The following MYO16 variants were observed in gnomAD, a reference collection of about 807,000 sequenced individuals.
MYO16 encodes the protein unconventional myosin-XVI.
MYO16 carries 94 observed loss-of-function variants against 205.3 expected under a neutral mutation model. The ratio of observed to expected loss-of-function variants is 0.46; its 90% CI spans 0.39 to 0.54. The LOEUF (loss-of-function observed/expected upper bound fraction) is 0.54, where lower values mean the gene tolerates loss of function less well. MYO16 is among the 20% of genes least tolerant of loss of function. The pLI is 0.00. For missense variants in MYO16, 2,315 were observed against 2,387.5 expected, an observed-to-expected ratio of 0.97 and a Z score of 0.63; for synonymous variants, 988 against 954.0, an observed-to-expected ratio of 1.04 and a Z score of -0.66.
intron 10 of MYO16, among the ~76,000 whole-genome samples, chr13:108,849,104 G>A (rs1007894951): frequency 4.6e-5 from 7 of 152,150 alleles, no homozygotes; most frequent in Admixed American, 3.9e-4. Context: ...CTTGGGAAGC[G>A]AAGTAAAGTA....
intron 28 of MYO16, among the ~76,000 whole-genome samples, chr13:109,106,171 A>T (rs1392497170): frequency 1.3e-5 from 2 of 152,266 alleles, no homozygotes; most frequent in Non-Finnish European, 2.9e-5. Flanking sequence ...TTATGAAACG[A>T]AGAGTTCATG....
chr13:108,665,501 T>G (rs1223407328), intron 1 of MYO16, among the ~76,000 whole-genome samples: 1 of 152,148 alleles, frequency 6.6e-6, no homozygotes, highest in Admixed American at 6.5e-5. Flanking sequence ...TCTGAAAAAG[T>G]TTGGAATGAT....
rs1879280578 is a variant in MYO16, at chr13:109,177,874, A to C, written c.5324-1668A>C. On this transcript the variant is annotated intron_variant, in intron 33 of 34. Coordinates refer to ENST00000457511, the MANE Select transcript of MYO16 (RefSeq NM_001198950.3). The stretch of plus-strand genomic sequence containing the variant: ...TGGATCACATTTGTCTTCTCCTGCC[A>C]CAGATCCCCTGTCTTAGTAAGACAT... 2.0e-5 allele frequency among the ~76,000 whole-genome samples: 3 copies of C among 152,156 alleles called. No individual in the cohort carries two copies. The South Asian group carries it at 6.2e-4, about 32-fold the overall frequency.
rs1361123280 is a variant in MYO16 at position 109,090,420 on chromosome 13, G to A, written c.3336-10365G>A. On this transcript the variant is annotated intron_variant, in intron 27 of 34. Coordinates refer to ENST00000457511, the MANE Select transcript of MYO16 (RefSeq NM_001198950.3). ...AGACTGGTGAGCTCTATGGCTGTGC[G>A]TCCACATGTCTGCTGACAGGCTCCA... Among the ~76,000 whole-genome samples, 9 of 152,194 alleles carry A rather than the reference G, an allele frequency of 5.9e-5. No individual in the cohort carries two copies. The East Asian group carries it at 9.6e-4, about 16-fold the overall frequency.
chr13:109,037,994 A>G lies in MYO16; in HGVS notation c.2797-8922A>G, dbSNP rs1886768107. Among the ~76,000 whole-genome samples, 5 of 149,834 alleles carry G rather than the reference A, an allele frequency of 3.3e-5. 1 individual carries two copies. The highest frequency in any genetic ancestry group is 3.3e-4 in the Admixed American group (5 of 15,072). On this transcript the variant is annotated intron_variant, in intron 23 of 34. Coordinates refer to ENST00000457511, the MANE Select transcript of MYO16 (RefSeq NM_001198950.3). ...CAAGGGAGGAATCTGTGAGTAGGGTAGAGGAAAGTAGGGAGTACAATGGGG... is the reference window on the plus strand; with the variant it reads ...CAAGGGAGGAATCTGTGAGTAGGGTGGAGGAAAGTAGGGAGTACAATGGGG...
intron 27 of MYO16, among the ~76,000 whole-genome samples, chr13:109,086,603 C>T (rs1008840550): frequency 7.9e-5 from 12 of 152,144 alleles, no homozygotes; most frequent in Admixed American, 2.0e-4. Flanking sequence ...CATGACATTT[C>T]AAATGTCATG....
the MYO16 span, among the ~76,000 whole-genome samples, chr13:108,538,516 A>G: frequency 6.6e-6 from 1 of 152,096 alleles, no homozygotes; most frequent in East Asian, 1.9e-4. Flanking sequence ...TGTTGGGGTG[A>G]CAAAGTGAAG....
At chr13:108,642,611 T>G (rs2139381528) in intron 1 of MYO16, among the ~76,000 whole-genome samples, 1 of 152,120 alleles carries the variant, frequency 6.6e-6, no homozygotes, top group South Asian at 2.1e-4. Context: ...AGAGACAGGG[T>G]TTCACCATGT....
chr13:108,724,489 C>T (rs953323532), intron 3 of MYO16, among the ~76,000 whole-genome samples: 2 of 152,284 alleles, frequency 1.3e-5, no homozygotes, highest in East Asian at 3.9e-4. Context: ...AGAATATTTG[C>T]ACTTACTTAT....
At position 109,008,915 on chromosome 13, in the gene MYO16, A is replaced by C; in HGVS notation, c.2461A>C (p.Asn821His). Residue 821 changes from asparagine to histidine, a missense_variant, in exon 22 of 35, where the codon AAT (asparagine) becomes CAT (histidine). By Grantham distance (68) the Asn-to-His change is moderately conservative. This residue lies in a region of MYO16 where 1,213 missense variants were observed against 1,274.4 expected (regional missense o/e 0.95). Coordinates refer to ENST00000457511, the MANE Select transcript of MYO16 (RefSeq NM_001198950.3). ...ACAACAGCTTTGTGTCAACATGACC[A>C]ATGAGAAGATGCACCACTATATCAA... ...EFEQLCVNMT[N>H]EKMHHYINEV... 1 of 1,613,172 alleles carries C rather than the reference A, an allele frequency of 6.2e-7. No homozygotes were observed. The highest frequency in any genetic ancestry group is 8.5e-7 in the Non-Finnish European group (1 of 1,179,586).
chr13:109,103,356 T>C (rs1363540633), intron 28 of MYO16, among the ~76,000 whole-genome samples: 3 of 152,196 alleles, frequency 2.0e-5, no homozygotes, highest in African/African-American at 7.2e-5. Context: ...TTATTCTATC[T>C]GTAGCATTAT....
At chr13:108,692,584 C>A (rs944510738) in intron 2 of MYO16, among the ~76,000 whole-genome samples, 1 of 152,160 alleles carries the variant, frequency 6.6e-6, no homozygotes, top group Admixed American at 6.5e-5. Context: ...GCAAACGTTG[C>A]GATTGGAATT....
chr13:109,010,208 T>C (rs1013819559), intron 22 of MYO16, among the ~76,000 whole-genome samples: 2 of 152,212 alleles, frequency 1.3e-5, no homozygotes, highest in African/African-American at 2.4e-5. Flanking sequence ...AGTAGAGCCA[T>C]GCAATCTCTT....
At chr13:108,515,869 C>A in the MYO16 span, among the ~76,000 whole-genome samples, 1 of 45,234 alleles carries the variant, frequency 2.2e-5, no homozygotes, top group East Asian at 6.3e-4. Flanking sequence ...AGAACCACTG[C>A]TCTCTTCAAA....
chr13:108,594,416 T>G (rs1035900441), upstream of MYO16, among the ~76,000 whole-genome samples: 1 of 151,354 alleles, frequency 6.6e-6, no homozygotes, highest in African/African-American at 2.4e-5. Context: ...TGGAGAGCAC[T>G]GGCACTCTTT....
At chr13:108,504,303 G>A in the MYO16 span, among the ~76,000 whole-genome samples, 1 of 151,626 alleles carries the variant, frequency 6.6e-6, no homozygotes, top group Non-Finnish European at 1.5e-5. Flanking sequence ...TGTATTTTTA[G>A]TAGACTAGAG....
intron 4 of MYO16, among the ~76,000 whole-genome samples, chr13:108,755,553 C>CAAAAA (rs200190650): frequency 7.3e-6 from 1 of 136,732 alleles, no homozygotes; most frequent in African/African-American, 2.7e-5. Flanking sequence ...CTTCAAATTG[C>CAAAAA]AAAAAAAAAA....
chr13:108,784,410 T>G (rs547199346), intron 4 of MYO16, among the ~76,000 whole-genome samples: 7 of 152,182 alleles, frequency 4.6e-5, no homozygotes, highest in Non-Finnish European at 1.0e-4. Context: ...TATAGCATAG[T>G]ACACTCAATA....
intron 27 of MYO16, among the ~76,000 whole-genome samples, chr13:109,075,364 A>G (rs1482107656): frequency 7.8e-6 from 1 of 128,304 alleles, no homozygotes; most frequent in African/African-American, 3.0e-5. Context: ...ATTAAAATGA[A>G]TTTATACCAG....
Sources: allele counts gnomAD v4.1 joint callset (sites outside exome capture counted in the v4.1 genomes callset), GRCh38; gene constraint gnomAD v4.1.1; regional missense constraint gnomAD v4.1.1; transcripts MANE v1.5; gene names NCBI Gene and HGNC (gene_info 2026-07-23, HGNC 2026-07-21).